Variants in LIPH observed in about 807,000 individuals in gnomAD.
The protein encoded by LIPH is lipase H, also known as lipase member H.
Under a neutral mutation model 47.6 loss-of-function variants are expected in LIPH, and 32 were observed. The ratio of observed to expected loss-of-function variants is 0.67; its 90% CI spans 0.51 to 0.90. The LOEUF is 0.90. LIPH is among the 40% of genes least tolerant of loss of function. The pLI is 0.00. For missense variants in LIPH, 497 were observed against 541.4 expected (o/e 0.92, Z 0.81); for synonymous variants, 190 against 195.6 (o/e 0.97, Z 0.24).
Position 185,536,256 on chromosome 3 carries a change from CA to C in LIPH, c.50-1125del, listed in dbSNP as rs1252690970. The stretch of plus-strand genomic sequence containing the variant: ...GAGGACTCAATAACATGTGGAACAG[CA>C]AGTCATCCCCAGCTCCAAGTGGGAG... On this transcript the variant is annotated intron_variant, in intron 1 of 9. Transcript: ENST00000296252. Among the ~76,000 whole-genome samples the C allele has an allele frequency of 2.6e-5, 4 of 152,144 alleles. No homozygotes were observed. The East Asian group carries it at 7.7e-4, about 29-fold the overall frequency.
At chr3:185,541,762 A>AT (rs61705569) in intron 1 of LIPH, among the ~76,000 whole-genome samples, 57 of 140,302 alleles carry the variant, frequency 4.1e-4, no homozygotes, top group African/African-American at 1.1e-3. Flanking sequence ...ATTTATTATT[A>AT]TTTTTTTTTT....
Position 185,535,051 on chromosome 3 carries a change from A to G in LIPH, c.131T>C (p.Met44Thr), listed in dbSNP as rs780702627. ...VVGTGLNVRL[M>T]LYTRKNLTCA... is the part of the protein sequence containing the mutation. ...GGTCAGGTTTTTCCTTGTGTAGAGC[A>G]TCAGCCTCACATTTAGTCCCGTACC... is the stretch of plus-strand genomic sequence containing the variant. Residue 44 changes from methionine (M) to threonine (T), a missense_variant, in exon 2 of 10, where the codon ATG (methionine) becomes ACG (threonine). Met to Thr is a moderately conservative substitution (Grantham distance 81). Transcript: ENST00000296252. The G allele has an allele frequency of 7.4e-6, 12 of 1,613,854 alleles. No homozygotes were observed. The South Asian group carries it at 1.2e-4, about 16-fold the overall frequency.
chr3:185,537,534 C>T (rs1347353780), intron 1 of LIPH, among the ~76,000 whole-genome samples: 1 of 152,028 alleles, frequency 6.6e-6, no homozygotes, highest in Non-Finnish European at 1.5e-5. Context: ...AGAGCAAAAC[C>T]CAGAGCAAAG....
chr3:185,536,103 A>G (rs1720495779), intron 1 of LIPH, among the ~76,000 whole-genome samples: 1 of 152,182 alleles, frequency 6.6e-6, no homozygotes. Flanking sequence ...TGACGACACA[A>G]TGAAAACCCA....
intron 4 of LIPH, among the ~76,000 whole-genome samples, chr3:185,526,159 G>T (rs544618009): frequency 6.9e-4 from 105 of 151,824 alleles, no homozygotes; most frequent in African/African-American, 2.4e-3. Flanking sequence ...TGGGAGGATC[G>T]ATTGATCAGC....
Position 185,507,433 on chromosome 3 carries a change from T to A in LIPH, c.*1357A>T, listed in dbSNP as rs1719414261. On this transcript the variant is annotated 3_prime_UTR_variant, in exon 10 of 10. Coordinates refer to ENST00000296252, the MANE Select transcript of LIPH (RefSeq NM_139248.3). ...TCACAGATAGCAGTTGAAGGAGCAA[T>A]CACTTGGGTGAAGAGGAGGTGACTG... is the stretch of plus-strand genomic sequence containing the variant. 1 of 151,678 alleles carries A rather than the reference T, an allele frequency of 6.6e-6. No individual in the cohort carries two copies. Among genetic ancestry groups the A allele is most frequent in the Non-Finnish European group, 1.5e-5 (1 of 67,970 alleles). The allele number at this position is 151,678 out of a possible 1,614,324, so 9.4% of individuals were successfully genotyped here. A position where few individuals can be genotyped will look rare whatever the true frequency, so the allele number is the denominator to read the frequency against.
intron 1 of LIPH, 151 bp downstream of exon 1, chr3:185,552,272 G>T (rs2148968983): frequency 4.3e-6 from 2 of 468,518 alleles, no homozygotes; most frequent in South Asian, 3.7e-5. Flanking sequence ...AAATGTTAAG[G>T]AAATGATACA....
At chr3:185,529,972 AAGAAAG>A (rs1400921619) in intron 3 of LIPH, among the ~76,000 whole-genome samples, 6,905 of 66,736 alleles carry the variant, frequency 0.1, 324 homozygotes, top group Non-Finnish European at 0.13. Flanking sequence ...GAAGGAAAGA[AAGAAAG>A]AGAGAGAGAG....
intron 7 of LIPH, among the ~76,000 whole-genome samples, chr3:185,516,191 G>C (rs1349427353): frequency 6.6e-6 from 1 of 152,068 alleles, no homozygotes; most frequent in East Asian, 1.9e-4. Context: ...CCAGCGCTTT[G>C]AGAGGCCAAG....
intron 5 of LIPH, among the ~76,000 whole-genome samples, chr3:185,520,484 T>C (rs1037543212): frequency 2.0e-5 from 3 of 151,002 alleles, no homozygotes; most frequent in Non-Finnish European, 4.4e-5. Context: ...GCCACTGCAC[T>C]CCAGCCTGGG....
chr3:185,534,679 T>C (rs1297980355), intron 2 of LIPH, 86 bp downstream of exon 2: 3 of 1,398,936 alleles, frequency 2.1e-6, no homozygotes, highest in African/African-American at 1.4e-5. Flanking sequence ...GGCCTCCTGC[T>C]CACTGTAGCT....
intron 6 of LIPH, among the ~76,000 whole-genome samples, chr3:185,518,302 G>A (rs56054465): frequency 0.04 from 6,078 of 151,858 alleles, 150 homozygotes; most frequent in Non-Finnish European, 0.061. Flanking sequence ...TTTTTGAGAC[G>A]GAGTTTCACT....
intron 1 of LIPH, among the ~76,000 whole-genome samples, chr3:185,538,675 C>G (rs911021165): frequency 8.0e-5 from 2 of 25,030 alleles, no homozygotes; most frequent in Admixed American, 8.1e-4. Context: ...TTTTAATATG[C>G]CCCTTTTACC....
rs775881352 is a variant in LIPH, at chr3:185,508,856, A to G, written c.1290T>C (p.Asp430=). ...TTTCAACGTTTTCCATCAGGACAAGATCATACCGACACAGCTGAGGCCTGG... is the reference window on the plus strand; with the variant it reads ...TTTCAACGTTTTCCATCAGGACAAGGTCATACCGACACAGCTGAGGCCTGG... ...HPERPQLCRY[D]LVLMENVETV... The change falls in exon 10 of 10, where the codon GAT becomes GAC. Residue 430 remains aspartate (D), a synonymous_variant. Transcript: ENST00000296252. 1.2e-6 allele frequency: 2 copies of G among 1,613,366 alleles called. No homozygotes were observed. Among genetic ancestry groups the G allele is most frequent in the African/African-American group, 2.7e-5 (2 of 74,926 alleles).
rs1346967485 is a variant in LIPH, at chr3:185,534,918, CA to C, written c.263del (p.Met88ArgfsTer4). The C allele has an allele frequency of 1.2e-6, 2 of 1,613,972 alleles. No individual in the cohort carries two copies. The highest frequency in any genetic ancestry group is 2.2e-5 in the South Asian group (2 of 91,072). ...AGAGCAAACCCTTTACTAAGTCATC[CA>C]TCCAAACAGGAGGGGAGCCTGTTGG... ...FRPTGSPPVW[M>X]DDLVKGLLSV... On this transcript the variant is annotated frameshift_variant, in exon 2 of 10. Coordinates refer to ENST00000296252, the MANE Select transcript of LIPH (RefSeq NM_139248.3).
chr3:185,535,869 C>T (rs1249760061), intron 1 of LIPH, among the ~76,000 whole-genome samples: 1 of 152,146 alleles, frequency 6.6e-6, no homozygotes, highest in Non-Finnish European at 1.5e-5. Context: ...TCCCAAGGTG[C>T]TGGGATTACA....
chr3:185,546,597 G>A (rs1267661407), intron 1 of LIPH, among the ~76,000 whole-genome samples: 3 of 152,056 alleles, frequency 2.0e-5, no homozygotes, highest in African/African-American at 4.8e-5. Context: ...CCAAGAGTTC[G>A]AGACCCGCCT....
intron 3 of LIPH, among the ~76,000 whole-genome samples, chr3:185,530,650 A>T (rs1176595682): frequency 2.0e-5 from 3 of 152,136 alleles, no homozygotes; most frequent in South Asian, 2.1e-4. Context: ...AGCCTGGGTG[A>T]CAGAGTGAGA....
Position 185,507,656 on chromosome 3 carries a change from A to C in LIPH, c.*1134T>G, listed in dbSNP as rs1409062513. The stretch of plus-strand genomic sequence containing the variant: ...GCATCTACCTCCAGGGAAGCAAAGG[A>C]TTCCTCAAACTGGAGTCTTCAGATT... On this transcript the variant is annotated 3_prime_UTR_variant, in exon 10 of 10. Transcript: ENST00000296252. The C allele has an allele frequency of 6.6e-6, 1 of 152,190 alleles. No homozygotes were observed. Among genetic ancestry groups the C allele is most frequent in the African/African-American group, 2.4e-5 (1 of 41,452 alleles). The allele number at this position is 152,190 out of a possible 1,614,324, so 9.4% of individuals were successfully genotyped here.
Sources: gnomAD v4.1 joint callset for allele counts (sites outside exome capture counted in the v4.1 genomes callset) on GRCh38, gnomAD v4.1.1 for gene constraint, MANE v1.5 for transcripts, NCBI Gene and HGNC (gene_info 2026-07-23, HGNC 2026-07-21) for gene names.